SNRPG: variants seen among roughly 807,000 people sequenced by gnomAD.
SNRPG encodes the protein small nuclear ribonucleoprotein polypeptide G.
In SNRPG, 3 loss-of-function variants were observed where a neutral mutation model predicts 13.9. That is an observed-to-expected ratio of 0.22 (90% CI 0.10 to 0.56). The LOEUF is 0.56. Among genes scored for constraint, SNRPG ranks in the 20% least tolerant of loss-of-function variants. SNRPG has a pLI of 0.93. For synonymous variants in SNRPG, 29 were observed against 29.3 expected, an observed-to-expected ratio of 0.99 and a Z score of 0.03; for missense variants, 34 against 96.1, an observed-to-expected ratio of 0.35 and a Z score of 2.70.
chr2:70,293,315 A>T, intron 1 of SNRPG: 1 of 659,906 alleles, frequency 1.5e-6, no homozygotes, highest in Non-Finnish European at 2.7e-6. Flanking sequence ...AACAAAAGGT[A>T]GCACTGGAGA....
intron 3 of SNRPG, among the ~76,000 whole-genome samples, chr2:70,285,935 T>G (rs528534417): frequency 6.6e-6 from 1 of 152,246 alleles, no homozygotes; most frequent in East Asian, 1.9e-4. Context: ...AAAAACAAAC[T>G]CACTCCTGAA....
At chr2:70,281,960 C>A (rs1696798409) in intron 3 of SNRPG, among the ~76,000 whole-genome samples, 1 of 152,082 alleles carries the variant, frequency 6.6e-6, no homozygotes, top group South Asian at 2.1e-4. Context: ...CACTCTGTTG[C>A]CCAGGCTAGA....
chr2:70,289,232 C>A, intron 2 of SNRPG, 118 bp downstream of exon 2: 1 of 592,818 alleles, frequency 1.7e-6, no homozygotes, highest in Non-Finnish European at 3.0e-6. Context: ...GGATTACAGC[C>A]GTGAGCCATC....
At chr2:70,293,458 C>G (rs528387613) in intron 1 of SNRPG, 160 bp downstream of exon 1, 1 of 748,204 alleles carries the variant, frequency 1.3e-6, no homozygotes, top group Non-Finnish European at 2.4e-6. Flanking sequence ...GCGGGCTTCA[C>G]GTCTCATGCG....
At chr2:70,290,697 A>G (rs1459588732) in intron 1 of SNRPG, among the ~76,000 whole-genome samples, 2 of 151,618 alleles carry the variant, frequency 1.3e-5, no homozygotes, top group African/African-American at 4.8e-5. Context: ...GTAAAAATAT[A>G]TTTATGGGCT....
chr2:70,287,521 A>G (rs1320014214), intron 3 of SNRPG: 2 of 568,774 alleles, frequency 3.5e-6, no homozygotes, highest in Admixed American at 6.9e-5. Context: ...TCATGTGAAT[A>G]ACTGTCATTG....
At chr2:70,283,327 G>A (rs1351909394) in intron 3 of SNRPG, among the ~76,000 whole-genome samples, 1 of 151,992 alleles carries the variant, frequency 6.6e-6, no homozygotes, top group Non-Finnish European at 1.5e-5. Flanking sequence ...GGTGAATGGA[G>A]GGGTACGGGA....
chr2:70,292,148 G>GT (rs1258200855), intron 1 of SNRPG, among the ~76,000 whole-genome samples: 1 of 151,860 alleles, frequency 6.6e-6, no homozygotes, highest in African/African-American at 2.4e-5. Flanking sequence ...GGGTTTCACC[G>GT]TTTTAGCCAT....
In SNRPG at chr2:70,289,363, G is replaced by T; in HGVS notation, c.42C>A (p.Asp14Glu). ...AHPPELKKFM[D>E]KKLSLKLNGG... ...CAACAAACTTACATGATAACTTCTT[G>T]TCCATAAATCTGAAAAAGGAAAAGG... Residue 14 changes from aspartate (D) to glutamate (E), a missense_variant, in exon 2 of 4, where the codon GAC becomes GAA. Coordinates refer to ENST00000272348, the MANE Select transcript of SNRPG (RefSeq NM_003096.4). 1 of 1,446,950 alleles carries T rather than the reference G, an allele frequency of 6.9e-7. No individual in the cohort carries two copies. Among genetic ancestry groups the T allele is most frequent in the Admixed American group, 1.8e-5 (1 of 54,124 alleles). 89.6% of individuals were successfully genotyped at this position (1,446,950 alleles called of 1,614,324 possible).
At position 70,288,158 on chromosome 2, in the gene SNRPG, T is replaced by A; in HGVS notation, c.90A>T (p.Ile30=). 1 of 1,612,504 alleles carries A rather than the reference T, an allele frequency of 6.2e-7. No individual in the cohort carries two copies. Among genetic ancestry groups the A allele is most frequent in the South Asian group, 1.1e-5 (1 of 91,044 alleles). ...TCATAAAGGGATCAAATCCCCGCAA[T>A]ATTCCTTGGACATGTCTGCCACCAT... ...KLNGGRHVQG[I]LRGFDPFMNL... is the part of the protein sequence containing the mutation. The change falls in exon 3 of 4, where the codon ATA becomes ATT. Residue 30 remains isoleucine, a synonymous_variant. Coordinates refer to ENST00000272348, the MANE Select transcript of SNRPG (RefSeq NM_003096.4).
At chr2:70,289,311 A>T in intron 2 of SNRPG, 39 bp downstream of exon 2, 2 of 1,243,924 alleles carry the variant, frequency 1.6e-6, no homozygotes, top group Non-Finnish European at 2.3e-6. Context: ...AAAAGCAATT[A>T]AATAATTAAA....
chr2:70,284,756 G>A (rs1696898546), intron 3 of SNRPG, among the ~76,000 whole-genome samples: 1 of 152,048 alleles, frequency 6.6e-6, no homozygotes, highest in African/African-American at 2.4e-5. Flanking sequence ...ATTGACCAAA[G>A]CAAGAAAAGC....
intron 3 of SNRPG, among the ~76,000 whole-genome samples, chr2:70,285,304 T>A (rs563865715): frequency 4.9e-4 from 74 of 152,292 alleles, no homozygotes; most frequent in African/African-American, 1.8e-3. Context: ...CCAGGCGCGG[T>A]GGCTCACGCC....
In SNRPG at chr2:70,293,691, G is replaced by T. The variant is rs370473703; in HGVS notation, c.-42C>A. On this transcript the variant is annotated 5_prime_UTR_variant, in exon 1 of 4. Transcript: ENST00000272348. Reference sequence around the variant, plus strand: ...GCTCACAGATGCCTTGGAACGCAACGCACGGCTTTCCTCACGCTCCCGCTG... The same window carrying T: ...GCTCACAGATGCCTTGGAACGCAACTCACGGCTTTCCTCACGCTCCCGCTG... 1.9e-5 allele frequency: 30 copies of T among 1,601,034 alleles called. No individual in the cohort carries two copies. Among genetic ancestry groups the T allele is most frequent in the Non-Finnish European group, 2.6e-5 (30 of 1,168,178 alleles).
intron 1 of SNRPG, 142 bp from the exon 2 acceptor site, chr2:70,289,514 C>T: frequency 1.8e-6 from 1 of 549,990 alleles, no homozygotes. Flanking sequence ...TAATGTATTG[C>T]TGTAAAGAGT....
In SNRPG at chr2:70,283,122, A is replaced by AAC. The variant is rs1553474954; in HGVS notation, c.181-1439_181-1438insGT. Among the ~76,000 whole-genome samples, 426 of 82,968 alleles carry AAC rather than the reference A, an allele frequency of 5.1e-3. 47 individuals carry two copies. Among genetic ancestry groups the AAC allele is most frequent in the African/African-American group, 0.016 (404 of 24,508 alleles). The allele number at this position is 82,968 out of a possible 152,430, so 54.4% of individuals were successfully genotyped here. A position where few individuals can be genotyped will look rare whatever the true frequency, so the allele number is the denominator to read the frequency against. On this transcript the variant is annotated intron_variant, in intron 3 of 3. Coordinates refer to ENST00000272348, the MANE Select transcript of SNRPG (RefSeq NM_003096.4). ...AAAAAAAAAAAAAAAAAAAAAAAAA[A>AAC]AACAACAAACCAAAACCAAAACAAA...
Position 70,283,122 on chromosome 2 carries a change from A to AAAAAAAAAAAAAAAAAAAAAAAC in SNRPG, c.181-1439_181-1438insGTTTTTTTTTTTTTTTTTTTTTT, listed in dbSNP as rs1241967786. On this transcript the variant is annotated intron_variant, in intron 3 of 3. Transcript: ENST00000272348. ...AAAAAAAAAAAAAAAAAAAAAAAAAAAACAACAAACCAAAACCAAAACAAA... is the reference window on the plus strand; with the variant it reads ...AAAAAAAAAAAAAAAAAAAAAAAAAAAAAAAAAAAAAAAAAAAAAAAACAACAACAAACCAAAACCAAAACAAA... Among the ~76,000 whole-genome samples the AAAAAAAAAAAAAAAAAAAAAAAC allele has an allele frequency of 1.8e-3, 147 of 82,968 alleles. 25 individuals are homozygous for AAAAAAAAAAAAAAAAAAAAAAAC. The highest frequency in any genetic ancestry group is 2.2e-3 in the Non-Finnish European group (88 of 39,744). The allele number at this position is 82,968 out of a possible 152,430, so 54.4% of individuals were successfully genotyped here. A position where few individuals can be genotyped will look rare whatever the true frequency, so the allele number is the denominator to read the frequency against.
chr2:70,282,336 T>C (rs1696812235), intron 3 of SNRPG, among the ~76,000 whole-genome samples: 1 of 152,086 alleles, frequency 6.6e-6, no homozygotes, highest in Admixed American at 6.6e-5. Context: ...TTTGGAGGTA[T>C]GAGATCATTT....
intron 3 of SNRPG, among the ~76,000 whole-genome samples, chr2:70,286,170 C>T (rs538938570): frequency 6.6e-6 from 1 of 152,136 alleles, no homozygotes; most frequent in Non-Finnish European, 1.5e-5. Context: ...TCAAGTGATC[C>T]TCCTGCTTCA....
Sources: gnomAD v4.1 joint callset for allele counts (sites outside exome capture counted in the v4.1 genomes callset) on GRCh38, gnomAD v4.1.1 for gene constraint, MANE v1.5 for transcripts, NCBI Gene and HGNC (gene_info 2026-07-23, HGNC 2026-07-21) for gene names.